SUCLG2: variants seen among roughly 807,000 people sequenced by gnomAD.
SUCLG2 encodes the protein succinate--CoA ligase [GDP-forming] subunit beta, mitochondrial.
In SUCLG2, 42 loss-of-function variants were observed where a neutral mutation model predicts 47.9. The observed-to-expected ratio is 0.88, with a 90% CI of 0.69 to 1.14. The LOEUF is 1.14. Ranked by LOEUF, SUCLG2 falls within the 50% of genes most tolerant of loss-of-function variation. SUCLG2 has a pLI of 0.00. For missense variants in SUCLG2, 571 were observed against 525.9 expected (o/e 1.09, Z -0.84); for synonymous variants, 195 against 197.3 (o/e 0.99, Z 0.10).
At chr3:67,369,960 A>G (rs531665562), downstream of SUCLG2, among the ~76,000 whole-genome samples, 1 of 152,362 alleles carries the variant, frequency 6.6e-6, no homozygotes, top group Non-Finnish European at 1.5e-5. Context: ...AAGAGTATCT[A>G]CTTTCTTATA....
intron 10 of SUCLG2, among the ~76,000 whole-genome samples, chr3:67,397,817 CAG>C (rs760994899): frequency 6.6e-6 from 1 of 152,106 alleles, no homozygotes; most frequent in Non-Finnish European, 1.5e-5. Context: ...GGTACCAAAA[CAG>C]AGATATAGAT....
At chr3:67,420,966 T>A (rs1703143922) in intron 9 of SUCLG2, among the ~76,000 whole-genome samples, 1 of 152,172 alleles carries the variant, frequency 6.6e-6, no homozygotes, top group Non-Finnish European at 1.5e-5. Flanking sequence ...ACATGTAATA[T>A]CTAAGAATAG....
chr3:67,396,899 T>C (rs1363603739), intron 10 of SUCLG2, among the ~76,000 whole-genome samples: 3 of 152,132 alleles, frequency 2.0e-5, no homozygotes, highest in Non-Finnish European at 2.9e-5. Context: ...ATCCAGCATA[T>C]AAACAGAACC....
At position 67,418,475 on chromosome 3, in the gene SUCLG2, C is replaced by T. The variant is rs553260208; in HGVS notation, c.1063-17624G>A. ...ACACAGGTTTATCTAATGACAAGAGCTTTAACCATTACACTAAGCTGTTCT... is the reference window on the plus strand; with the variant it reads ...ACACAGGTTTATCTAATGACAAGAGTTTTAACCATTACACTAAGCTGTTCT... On this transcript the variant is annotated intron_variant, in intron 9 of 10. Coordinates refer to ENST00000307227, the MANE Select transcript of SUCLG2 (RefSeq NM_003848.4). Among the ~76,000 whole-genome samples, 278 of 152,272 alleles carry T rather than the reference C, an allele frequency of 1.8e-3. 1 individual carries two copies. The highest frequency in any genetic ancestry group is 6.1e-3 in the African/African-American group (254 of 41,566).
At chr3:67,537,928 C>A (rs184924439) in intron 2 of SUCLG2, among the ~76,000 whole-genome samples, 1 of 152,110 alleles carries the variant, frequency 6.6e-6, no homozygotes, top group Non-Finnish European at 1.5e-5. Context: ...TTTCTTCTTT[C>A]TTGTAAATTT....
chr3:67,394,862 A>G (rs929282096), intron 10 of SUCLG2, among the ~76,000 whole-genome samples: 10 of 152,100 alleles, frequency 6.6e-5, no homozygotes, highest in African/African-American at 4.8e-5. Context: ...AGTGGGGGCC[A>G]ATATTCAACA....
intron 9 of SUCLG2, among the ~76,000 whole-genome samples, chr3:67,472,603 TG>T (rs1704632456): frequency 6.6e-6 from 1 of 152,214 alleles, no homozygotes; most frequent in Non-Finnish European, 1.5e-5. Context: ...CTATTATACT[TG>T]TTAATAGGTT....
At chr3:67,626,515 G>A (rs943843842) in intron 1 of SUCLG2, among the ~76,000 whole-genome samples, 51 of 152,206 alleles carry the variant, frequency 3.4e-4, no homozygotes, top group African/African-American at 1.2e-3. Context: ...GGGCACAAGA[G>A]CAAGAATGAT....
intron 9 of SUCLG2, among the ~76,000 whole-genome samples, chr3:67,437,605 G>A (rs1417918863): frequency 6.6e-6 from 1 of 151,942 alleles, no homozygotes; most frequent in South Asian, 2.1e-4. Flanking sequence ...TTTTTTGGCT[G>A]TAGAGAGGCT....
rs1171718029 is a variant in SUCLG2, at chr3:67,609,544, T to C, written c.137A>G (p.Lys46Arg). 3.7e-6 allele frequency: 6 copies of C among 1,613,980 alleles called. No homozygotes were observed. The Admixed American group carries it at 6.7e-5, about 18-fold the overall frequency. Reference sequence around the variant, plus strand: ...CACTCCGTTGTCAGACATCAGTTTCTTGCTCTGGTATTCCTGCAGGTTCAG... The same window carrying C: ...CACTCCGTTGTCAGACATCAGTTTCCTGCTCTGGTATTCCTGCAGGTTCAG... ...RWLNLQEYQSKKLMSDNGVRV... is the reference protein window; with the variant it reads ...RWLNLQEYQSRKLMSDNGVRV... Residue 46 changes from lysine to arginine, a missense_variant, in exon 2 of 11, where the codon AAG becomes AGG. By Grantham distance (26) the Lys-to-Arg change is conservative. Coordinates refer to ENST00000307227, the MANE Select transcript of SUCLG2 (RefSeq NM_003848.4).
intron 9 of SUCLG2, among the ~76,000 whole-genome samples, chr3:67,456,038 TA>T (rs1704177661): frequency 6.8e-6 from 1 of 146,290 alleles, no homozygotes; most frequent in Non-Finnish European, 1.5e-5. Context: ...AGGCAGAGAC[TA>T]TTGGGATACC....
intron 9 of SUCLG2, among the ~76,000 whole-genome samples, chr3:67,458,226 T>C (rs1460178759): frequency 6.6e-6 from 1 of 152,106 alleles, no homozygotes; most frequent in African/African-American, 2.4e-5. Flanking sequence ...TGCTAAATCA[T>C]AAGAAAATGG....
chr3:67,547,371 C>T (rs1404270311), intron 2 of SUCLG2, among the ~76,000 whole-genome samples: 1 of 152,200 alleles, frequency 6.6e-6, no homozygotes, highest in Non-Finnish European at 1.5e-5. Context: ...CTAAGATACT[C>T]CCTGAACACA....
intron 2 of SUCLG2, among the ~76,000 whole-genome samples, chr3:67,566,739 T>C (rs1707461843): frequency 6.6e-6 from 1 of 152,178 alleles, no homozygotes; most frequent in Non-Finnish European, 1.5e-5. Context: ...AACCACTATG[T>C]TTCTCTCTGT....
At chr3:67,410,459 G>A (rs909700719) in intron 9 of SUCLG2, among the ~76,000 whole-genome samples, 5 of 152,236 alleles carry the variant, frequency 3.3e-5, no homozygotes. Context: ...AAGGACTGAA[G>A]GGCACAGAGA....
chr3:67,382,689 T>C lies in SUCLG2; in HGVS notation c.1184-6830A>G, dbSNP rs150820236. 8.8e-3 allele frequency among the ~76,000 whole-genome samples: 1,334 copies of C among 152,322 alleles called. 11 individuals are homozygous for C. The highest frequency in any genetic ancestry group is 0.046 in the South Asian group (224 of 4,830). ...CCATAAATAACTTTTTCGTGGAACA[T>C]AGCCAAACTGATTTGCTTCATCAGT... On this transcript the variant is annotated intron_variant, in intron 10 of 10. Transcript: ENST00000307227.
intron 9 of SUCLG2, among the ~76,000 whole-genome samples, chr3:67,444,357 G>T (rs1703870920): frequency 1.5e-5 from 1 of 68,620 alleles, no homozygotes; most frequent in Non-Finnish European, 3.0e-5. Context: ...CCCCCGCCTG[G>T]CCAGCCGCCC....
chr3:67,464,118 A>C (rs545538857), intron 9 of SUCLG2, among the ~76,000 whole-genome samples: 1 of 152,312 alleles, frequency 6.6e-6, no homozygotes, highest in African/African-American at 2.4e-5. Context: ...CATTCCTTTT[A>C]GGAGTCCTCA....
intron 2 of SUCLG2, among the ~76,000 whole-genome samples, chr3:67,604,648 C>A (rs975572276): frequency 9.3e-6 from 1 of 107,656 alleles, no homozygotes; most frequent in Non-Finnish European, 1.9e-5. Flanking sequence ...AGTAGGGTGG[C>A]GAGAAGAAGA....
Sources: allele counts gnomAD v4.1 joint callset (sites outside exome capture counted in the v4.1 genomes callset), GRCh38; gene constraint gnomAD v4.1.1; transcripts MANE v1.5; gene names NCBI Gene and HGNC (gene_info 2026-07-23, HGNC 2026-07-21).